The following ADAMTS9 variants were observed in gnomAD, a reference collection of about 807,000 sequenced individuals.
The protein encoded by ADAMTS9 is ADAM metallopeptidase with thrombospondin type 1 motif 9.
Under a neutral mutation model 257.1 loss-of-function variants are expected in ADAMTS9, and 107 were observed. The ratio of observed to expected loss-of-function variants is 0.42; its 90% confidence interval spans 0.36 to 0.49. ADAMTS9 has a LOEUF of 0.49. Ranked by LOEUF, ADAMTS9 falls within the 20% of genes least tolerant of loss-of-function variation. ADAMTS9 has a pLI of 0.03. For missense variants in ADAMTS9, 2,353 were observed against 2,469.1 expected, an observed-to-expected ratio of 0.95 and a Z score of 1.00; for synonymous variants, 982 against 880.9, an observed-to-expected ratio of 1.11 and a Z score of -2.03.
intron 30 of ADAMTS9, among the ~76,000 whole-genome samples, chr3:64,552,493 T>C (rs1273150408): frequency 2.0e-5 from 3 of 152,184 alleles, no homozygotes; most frequent in African/African-American, 7.2e-5. Flanking sequence ...AGGCCAGGGA[T>C]TGAATACCCT....
At chr3:64,684,819 G>A (rs914657590) in intron 2 of ADAMTS9, 3 of 152,190 alleles carry the variant, frequency 2.0e-5, no homozygotes, top group Non-Finnish European at 2.9e-5. Context: ...GGGGCCACTA[G>A]GCTTCAGCGG....
chr3:64,566,507 T>C (rs2083548974), intron 29 of ADAMTS9, among the ~76,000 whole-genome samples: 1 of 152,204 alleles, frequency 6.6e-6, no homozygotes, highest in African/African-American at 2.4e-5. Context: ...GATAATCCTA[T>C]TACCTTATGT....
chr3:64,517,684 T>C (rs113217364), intron 39 of ADAMTS9, among the ~76,000 whole-genome samples: 1 of 151,914 alleles, frequency 6.6e-6, no homozygotes, highest in Non-Finnish European at 1.5e-5. Flanking sequence ...TCTTCATATA[T>C]TGGTATTTTG....
chr3:64,525,637 T>A (rs1278736270), intron 38 of ADAMTS9, among the ~76,000 whole-genome samples: 1 of 151,762 alleles, frequency 6.6e-6, no homozygotes, highest in Admixed American at 6.6e-5. Context: ...TGAGACAGAG[T>A]CTTGCTCTTG....
At chr3:64,599,333 C>T (rs1389568192) in intron 26 of ADAMTS9, among the ~76,000 whole-genome samples, 1 of 152,176 alleles carries the variant, frequency 6.6e-6, no homozygotes, top group East Asian at 1.9e-4. Context: ...CTTTAAATGA[C>T]AACATTTTCT....
Position 64,568,395 on chromosome 3 carries a change from G to A in ADAMTS9, c.4497C>T (p.Pro1499=), listed in dbSNP as rs766129256. ...GHRKCRGGRC[P]KWKAGAWSQC... Reference sequence around the variant, plus strand: ...GACTCCAAGCGCCAGCTTTCCATTTGGGGCATCTTCCTCCTCGGCACTTTC... The same window carrying A: ...GACTCCAAGCGCCAGCTTTCCATTTAGGGCATCTTCCTCCTCGGCACTTTC... The change falls in exon 29 of 40, where the codon CCC becomes CCT. Residue 1499 remains proline, a synonymous_variant. Coordinates refer to ENST00000498707, the MANE Select transcript of ADAMTS9 (RefSeq NM_182920.2). The A allele has an allele frequency of 6.2e-7, 1 of 1,610,936 alleles. No homozygotes were observed. Among genetic ancestry groups the A allele is most frequent in the Non-Finnish European group, 8.5e-7 (1 of 1,179,280 alleles).
chr3:64,571,638 C>A (rs955510112), intron 28 of ADAMTS9, among the ~76,000 whole-genome samples: 2 of 152,156 alleles, frequency 1.3e-5, no homozygotes, highest in Admixed American at 1.3e-4. Context: ...GCAGCACTTG[C>A]CATACTTATT....
At position 64,687,822 on chromosome 3, in the gene ADAMTS9, C is replaced by T. The variant is rs1701961148; in HGVS notation, c.-165G>A. On this transcript the variant is annotated 5_prime_UTR_variant, in exon 1 of 40. Coordinates refer to ENST00000498707, the MANE Select transcript of ADAMTS9 (RefSeq NM_182920.2). The surrounding 1 kb of genome is among the most constrained non-coding windows in gnomAD (Gnocchi z 4.4). ...TGAGGTCTCGCTGCGAGGGTCCCGT[C>T]TGCGCTCGGCTGAGCAACGCCGCCG... 2.0e-6 allele frequency: 1 copy of T among 507,582 alleles called. No individual in the cohort carries two copies. Among genetic ancestry groups the T allele is most frequent in the Non-Finnish European group, 3.5e-6 (1 of 289,730 alleles). The allele number at this position is 507,582 out of a possible 1,614,324, so 31.4% of individuals were successfully genotyped here. A position where few individuals can be genotyped will look rare whatever the true frequency, so the allele number is the denominator to read the frequency against.
At chr3:64,593,961 A>ATGTGTGTGTGTGTG (rs200112357) in intron 28 of ADAMTS9, among the ~76,000 whole-genome samples, 308 of 108,304 alleles carry the variant, frequency 2.8e-3, no homozygotes, top group Middle Eastern at 4.6e-3. Context: ...TGTGTGTATG[A>ATGTGTGTGTGTGTG]TGTGTGTGTG....
intron 17 of ADAMTS9, 42 bp from the exon 18 acceptor site, chr3:64,622,369 A>C: frequency 6.2e-7 from 1 of 1,613,036 alleles, no homozygotes; most frequent in Non-Finnish European, 8.5e-7. Flanking sequence ...GGGTGGGCTT[A>C]GTAATGCCAA....
Position 64,631,874 on chromosome 3 carries a change from C to G in ADAMTS9, c.2227G>C (p.Gly743Arg). Residue 743 changes from glycine to arginine, a missense_variant, in exon 15 of 40, where the codon GGG becomes CGG. By Grantham distance (125) the Gly-to-Arg change is moderately radical (BLOSUM62 -2). Transcript: ENST00000498707. ...LNSKARRDKC[G>R]VCGGDNSSCK... ...GAAGAATTATCGCCACCACAAACCC[C>G]ACATTTATCTCTCCGGGCTTTTGAG... is the stretch of plus-strand genomic sequence containing the variant. 6.2e-7 allele frequency: 1 copy of G among 1,614,018 alleles called. No individual in the cohort carries two copies. Among genetic ancestry groups the G allele is most frequent in the African/African-American group, 1.3e-5 (1 of 75,016 alleles).
At chr3:64,645,893 C>A (rs867356577) in intron 11 of ADAMTS9, among the ~76,000 whole-genome samples, 1 of 152,142 alleles carries the variant, frequency 6.6e-6, no homozygotes, top group South Asian at 2.1e-4. Flanking sequence ...GAAAATTACC[C>A]TACGATCCCT....
At chr3:64,528,036 A>T (rs2082931053) in intron 38 of ADAMTS9, among the ~76,000 whole-genome samples, 1 of 152,160 alleles carries the variant, frequency 6.6e-6, no homozygotes, top group South Asian at 2.1e-4. Flanking sequence ...CAATTCTTTG[A>T]TTTACAGCCC....
At chr3:64,561,509 C>T in intron 30 of ADAMTS9, 69 bp downstream of exon 30, 2 of 1,521,430 alleles carry the variant, frequency 1.3e-6, no homozygotes, top group Non-Finnish European at 1.8e-6. Context: ...TTATAGGGAA[C>T]AGATGTGAGG....
chr3:64,631,676 G>T, intron 15 of ADAMTS9, 126 bp from the exon 16 acceptor site: 1 of 1,169,590 alleles, frequency 8.5e-7, no homozygotes, highest in Non-Finnish European at 1.3e-6. Flanking sequence ...GTGCCTTCTA[G>T]TCGATGGATA....
rs374939195 is a variant in ADAMTS9 at position 64,622,212 on chromosome 3, C to T, written c.2672G>A (p.Ser891Asn). Residue 891 changes from serine to asparagine, a missense_variant, in exon 18 of 40, where the codon AGT (serine) becomes AAT (asparagine). Around this residue, in one of 3 missense-constraint regions of ADAMTS9, gnomAD observed 1,402 missense variants for 1,441.4 expected, o/e 0.97. Coordinates refer to ENST00000498707, the MANE Select transcript of ADAMTS9 (RefSeq NM_182920.2). ...AAAGCAGATACCTTGGCAGGGTTTA[C>T]TGCATGCTTGCCATGGCCCATGACT... ...WNSHGPWQAC[S>N]KPCQGERKRK... 14 of 1,613,550 alleles carry T rather than the reference C, an allele frequency of 8.7e-6. No homozygotes were observed. The Middle Eastern group carries it at 8.2e-4, about 95-fold the overall frequency.
intron 22 of ADAMTS9, among the ~76,000 whole-genome samples, chr3:64,610,238 C>G (rs1447407019): frequency 6.6e-6 from 1 of 152,102 alleles, no homozygotes; most frequent in African/African-American, 2.4e-5. Flanking sequence ...ACAAGGGCAA[C>G]AGAAAATAGA....
chr3:64,571,497 G>T (rs1220269059), intron 28 of ADAMTS9, among the ~76,000 whole-genome samples: 1 of 152,196 alleles, frequency 6.6e-6, no homozygotes, highest in East Asian at 1.9e-4. Context: ...GAATGAAGAT[G>T]AATGAAGTAG....
chr3:64,555,997 C>T (rs2083328214), intron 30 of ADAMTS9, among the ~76,000 whole-genome samples: 1 of 152,180 alleles, frequency 6.6e-6, no homozygotes, highest in Non-Finnish European at 1.5e-5. Context: ...GCTCTGTGCG[C>T]ACATCAAAAC....
Sources: allele counts gnomAD v4.1 joint callset (sites outside exome capture counted in the v4.1 genomes callset), GRCh38; gene constraint gnomAD v4.1.1; regional missense constraint gnomAD v4.1.1; non-coding constraint Gnocchi (gnomAD v3.1); transcripts MANE v1.5; gene names NCBI Gene and HGNC (gene_info 2026-07-23, HGNC 2026-07-21).